Variants in PRDM15 observed in about 807,000 individuals in gnomAD.
PRDM15 encodes the protein PR/SET domain 15, also known as PR domain zinc finger protein 15.
In PRDM15, 64 loss-of-function variants were observed where a neutral mutation model predicts 128.6. That is an observed-to-expected ratio of 0.50 (90% CI 0.41 to 0.61). The LOEUF is 0.61. Ranked by LOEUF, PRDM15 falls within the 20% of genes least tolerant of loss-of-function variation. PRDM15 has a pLI of 0.00. For missense variants in PRDM15, 1,242 were observed against 1,569.1 expected, an observed-to-expected ratio of 0.79 and a Z score of 3.52; for synonymous variants, 615 against 621.8, an observed-to-expected ratio of 0.99 and a Z score of 0.16.
rs2062962423 is a variant in PRDM15 at position 41,838,284 on chromosome 21, G to A, written c.872-221C>T. On this transcript the variant is annotated intron_variant, in intron 7 of 23. Coordinates refer to ENST00000398548, the MANE Select transcript of PRDM15 (RefSeq NM_001040424.3). ...CAAAATGTTTTTCTTAGCCTAAACT[G>A]AAGTTATAATTTGTTATTCTTTTTA... is the stretch of plus-strand genomic sequence containing the variant. Among the ~76,000 whole-genome samples the A allele has an allele frequency of 3.9e-5, 6 of 152,188 alleles. No homozygotes were observed. In the South Asian group the frequency reaches 1.2e-3, roughly 32 times the overall value.
rs2061417225 is a variant in PRDM15, at chr21:41,801,553, T to C, written c.3113A>G (p.Asn1038Ser). 6.2e-7 allele frequency: 1 copy of C among 1,613,926 alleles called. No individual in the cohort carries two copies. The highest frequency in any genetic ancestry group is 1.7e-5 in the Admixed American group (1 of 59,994). ...ATCAAAGGTCACGGTCAGGATTGAG[T>C]TGTCCAGCTGTAACTGGCGTTCAGG... ...TTPERQLQLD[N>S]SILTVTFDTV... The change falls in exon 24 of 24, where the codon AAC becomes AGC. Residue 1038 changes from asparagine to serine, a missense_variant. By Grantham distance (46) the Asn-to-Ser change is conservative (BLOSUM62 1). This residue lies in a region of PRDM15 where 602 missense variants were observed against 788.3 expected (regional missense o/e 0.76). Coordinates refer to ENST00000398548, the MANE Select transcript of PRDM15 (RefSeq NM_001040424.3).
At chr21:41,833,505 T>C (rs1601285439) in intron 11 of PRDM15, among the ~76,000 whole-genome samples, 2 of 152,324 alleles carry the variant, frequency 1.3e-5, no homozygotes, top group Middle Eastern at 6.8e-3. Flanking sequence ...TACAAATTCT[T>C]GGTTTAATTG....
At chr21:41,806,057 C>A (rs201993371) in intron 21 of PRDM15, among the ~76,000 whole-genome samples, 2 of 3,626 alleles carry the variant, frequency 5.5e-4, no homozygotes, top group Admixed American at 3.0e-3. Context: ...ACCACCACCA[C>A]CATCACCATC....
intron 18 of PRDM15, among the ~76,000 whole-genome samples, 187 bp from the exon 19 acceptor site, chr21:41,816,023 C>A (rs183919654): frequency 6.6e-6 from 1 of 152,200 alleles, no homozygotes; most frequent in Non-Finnish European, 1.5e-5. Context: ...GCCCAGAGGC[C>A]GGGAGGGACT....
intron 1 of PRDM15, among the ~76,000 whole-genome samples, chr21:41,861,272 A>AAGCTGTT (rs2063799216): frequency 6.6e-6 from 1 of 152,190 alleles, no homozygotes; most frequent in African/African-American, 2.4e-5. Flanking sequence ...GCTCCCACAT[A>AAGCTGTT]AGCTGTTATC....
Position 41,821,756 on chromosome 21 carries a change from C to A in PRDM15, c.1896+147G>T. The A allele has an allele frequency of 1.1e-6, 1 of 942,270 alleles. No individual in the cohort carries two copies. 58.4% of individuals were successfully genotyped at this position (942,270 alleles called of 1,614,324 possible). A position where few individuals can be genotyped will look rare whatever the true frequency, so the allele number is the denominator to read the frequency against. On this transcript the variant is annotated intron_variant, in intron 15 of 23. Transcript: ENST00000398548. The surrounding 1 kb of genome is among the most constrained non-coding windows in gnomAD (Gnocchi z 5.4). ...CACAAGTGATGGACAGGCACCCAGTCTGCAGTAGGACCACTGGCCGGAGCC... is the reference window on the plus strand; with the variant it reads ...CACAAGTGATGGACAGGCACCCAGTATGCAGTAGGACCACTGGCCGGAGCC...
At chr21:41,878,762 G>T in intron 1 of PRDM15, 1 of 1,492,610 alleles carries the variant, frequency 6.7e-7, no homozygotes. Context: ...CGCATGGGCT[G>T]TACCCGAGGG....
At chr21:41,866,090 C>T (rs1026916067) in intron 1 of PRDM15, among the ~76,000 whole-genome samples, 1 of 152,112 alleles carries the variant, frequency 6.6e-6, no homozygotes, top group Non-Finnish European at 1.5e-5. Flanking sequence ...GTGACTTTTC[C>T]ACTCACTCCT....
intron 1 of PRDM15, chr21:41,871,652 A>C: frequency 6.3e-7 from 1 of 1,587,742 alleles, no homozygotes; most frequent in Non-Finnish European, 8.6e-7. Flanking sequence ...ACGAAAGTAG[A>C]CATGAGAAGC....
intron 7 of PRDM15, 62 bp downstream of exon 7, chr21:41,839,561 C>G: frequency 1.4e-6 from 2 of 1,470,600 alleles, no homozygotes; most frequent in Non-Finnish European, 1.9e-6. Flanking sequence ...GCCCCGCCAG[C>G]CCTCGGGCGC....
In PRDM15 at chr21:41,859,891, CAT is replaced by C. The variant is rs1258411068; in HGVS notation, c.38-208_38-207del. ...AGGCCTCTGTCAGCACTCGTGCACACATGAGGAGTGCAAAGGCAGGACACGCC... is the reference window on the plus strand; with the variant it reads ...AGGCCTCTGTCAGCACTCGTGCACACGAGGAGTGCAAAGGCAGGACACGCC... On this transcript the variant is annotated intron_variant, in intron 2 of 23. Transcript: ENST00000398548. This position sits in a 1 kb window ranked among gnomAD's most constrained non-coding sequence, Gnocchi z 5.3. Among the ~76,000 whole-genome samples, 7 of 152,130 alleles carry C rather than the reference CAT, an allele frequency of 4.6e-5. No homozygotes were observed. The highest frequency in any genetic ancestry group is 1.4e-4 in the African/African-American group (6 of 41,434).
chr21:41,857,624 G>A (rs1427430175), intron 3 of PRDM15, among the ~76,000 whole-genome samples: 3 of 152,172 alleles, frequency 2.0e-5, no homozygotes, highest in Non-Finnish European at 2.9e-5. Flanking sequence ...AGCTGGACAT[G>A]GTGGCATGTG....
rs1215357769 is a variant in PRDM15, at chr21:41,819,450, C to T, written c.2260+132G>A. On this transcript the variant is annotated intron_variant, in intron 18 of 23. Coordinates refer to ENST00000398548, the MANE Select transcript of PRDM15 (RefSeq NM_001040424.3). Reference sequence around the variant, plus strand: ...GTACCCACCTTTCCCACACTCGGCCCGTGGCCCCGGCCCCCGCCCCCGCCA... The same window carrying T: ...GTACCCACCTTTCCCACACTCGGCCTGTGGCCCCGGCCCCCGCCCCCGCCA... 2.9e-5 allele frequency: 31 copies of T among 1,084,222 alleles called. No homozygotes were observed. The African/African-American group carries it at 4.8e-4, about 17-fold the overall frequency. The allele number at this position is 1,084,222 out of a possible 1,614,324, so 67.2% of individuals were successfully genotyped here.
In PRDM15 at chr21:41,810,917, G is replaced by T; in HGVS notation, c.2393-81C>A. On this transcript the variant is annotated intron_variant, in intron 19 of 23. Transcript: ENST00000398548. This position sits in a 1 kb window ranked among gnomAD's most constrained non-coding sequence, Gnocchi z 6.4. ...TCAGGGCATGTCTTCTCCCTGACAC[G>T]TTCCAGGCACTGTAGGGCCTTCAGG... 1 of 1,278,290 alleles carries T rather than the reference G, an allele frequency of 7.8e-7. No homozygotes were observed. Among genetic ancestry groups the T allele is most frequent in the Non-Finnish European group, 1.1e-6 (1 of 878,712 alleles). 79.2% of individuals were successfully genotyped at this position (1,278,290 alleles called of 1,614,324 possible).
intron 21 of PRDM15, among the ~76,000 whole-genome samples, chr21:41,809,327 G>A (rs1046691409): frequency 2.0e-5 from 3 of 151,824 alleles, no homozygotes; most frequent in Admixed American, 6.6e-5. Flanking sequence ...CCGCCGCCTG[G>A]GTTCAAGCGA....
chr21:41,825,029 G>A (rs569451835), intron 13 of PRDM15, among the ~76,000 whole-genome samples: 2 of 152,324 alleles, frequency 1.3e-5, no homozygotes, highest in Admixed American at 1.3e-4. Context: ...CCTCCCCTCG[G>A]CGGCTCCTAA....
Position 41,799,752 on chromosome 21 carries a change from T to C in PRDM15, c.*1488A>G, listed in dbSNP as rs1295714355. The C allele has an allele frequency of 6.6e-6, 1 of 152,624 alleles. No homozygotes were observed. Among genetic ancestry groups the C allele is most frequent in the Non-Finnish European group, 1.5e-5 (1 of 68,038 alleles). The allele number at this position is 152,624 out of a possible 1,614,324, so 9.5% of individuals were successfully genotyped here. Reference sequence around the variant, plus strand: ...CAGCCATGCCAGTGTTTCCTCAAGATGGACTCCCAGTGAGTGCAGGATCTG... The same window carrying C: ...CAGCCATGCCAGTGTTTCCTCAAGACGGACTCCCAGTGAGTGCAGGATCTG... On this transcript the variant is annotated 3_prime_UTR_variant, in exon 24 of 24. Transcript: ENST00000398548.
At chr21:41,806,761 C>T (rs1428717992) in intron 21 of PRDM15, among the ~76,000 whole-genome samples, 1 of 149,758 alleles carries the variant, frequency 6.7e-6, no homozygotes, top group Non-Finnish European at 1.5e-5. Flanking sequence ...ACCACCGCCA[C>T]CACCATCACT....
intron 1 of PRDM15, among the ~76,000 whole-genome samples, chr21:41,868,369 C>T (rs2064088404): frequency 6.6e-6 from 1 of 152,106 alleles, no homozygotes; most frequent in Non-Finnish European, 1.5e-5. Flanking sequence ...ATGACTGGGT[C>T]ATCTGTTAGG....
Sources: gnomAD v4.1 joint callset for allele counts (sites outside exome capture counted in the v4.1 genomes callset) on GRCh38, gnomAD v4.1.1 for gene constraint, gnomAD v4.1.1 regional missense constraint, Gnocchi (gnomAD v3.1) non-coding constraint, MANE v1.5 for transcripts, NCBI Gene and HGNC (gene_info 2026-07-23, HGNC 2026-07-21) for gene names.